RYR2: variants seen among roughly 807,000 people sequenced by gnomAD.
RYR2 encodes the protein ryanodine receptor 2.
In RYR2, 227 loss-of-function variants were observed where a neutral mutation model predicts 601.1. The observed-to-expected ratio is 0.38, with a 90% CI of 0.34 to 0.42. The LOEUF is 0.42. Ranked by LOEUF, RYR2 falls within the 10% of genes least tolerant of loss-of-function variation. The probability of loss-of-function intolerance (pLI) is 1.00; values close to 1 mark genes in which losing one functional copy is unlikely to be tolerated. For synonymous variants in RYR2, 2,223 were observed against 2,175.1 expected (o/e 1.02, Z -0.61); for missense variants, 4,646 against 6,156.5 (o/e 0.75, Z 8.21).
chr1:237,314,139 A>G (rs964270318), intron 2 of RYR2, among the ~76,000 whole-genome samples: 5 of 137,474 alleles, frequency 3.6e-5, no homozygotes, highest in Non-Finnish European at 7.5e-5. Context: ...ATCTCAGCTC[A>G]CTGCAAGCTC....
intron 12 of RYR2, among the ~76,000 whole-genome samples, chr1:237,437,427 C>A (rs1201612775): frequency 6.6e-6 from 1 of 152,080 alleles, no homozygotes; most frequent in African/African-American, 2.4e-5. Flanking sequence ...TTTGAATGCT[C>A]ATAATGGGAG....
intron 8 of RYR2, among the ~76,000 whole-genome samples, chr1:237,382,512 G>A: frequency 7.5e-6 from 1 of 134,078 alleles, no homozygotes; most frequent in Non-Finnish European, 1.6e-5. Flanking sequence ...ATCTCCTAAT[G>A]TTATCCCTCC....
At chr1:237,406,835 A>T (rs2149974490) in intron 10 of RYR2, among the ~76,000 whole-genome samples, 1 of 152,316 alleles carries the variant, frequency 6.6e-6, no homozygotes, top group Admixed American at 6.5e-5. Context: ...CTCTTGTTAT[A>T]AATGATAAAG....
rs1224572050 is a variant in RYR2, at chr1:237,566,558, A to G, written c.3215-9A>G. 1.2e-6 allele frequency: 2 copies of G among 1,611,304 alleles called. No homozygotes were observed. Among genetic ancestry groups the G allele is most frequent in the Admixed American group, 1.7e-5 (1 of 59,908 alleles). ...CAATGACCACCAGAAATCTCTGTCC[A>G]TTTCCCAGCAGCCAGAGCCGAAGTG... is the stretch of plus-strand genomic sequence containing the variant. On this transcript the variant is annotated splice_polypyrimidine_tract_variant and intron_variant, in intron 27 of 104. Coordinates refer to ENST00000366574, the MANE Select transcript of RYR2 (RefSeq NM_001035.3).
At position 237,784,286 on chromosome 1, in the gene RYR2, T is replaced by G. The variant is rs1558405994; in HGVS notation, c.12574T>G (p.Phe4192Val). Reference protein sequence around the residue: ...EKEKMELFVNFCEDTIFEMQL... With the variant: ...EKEKMELFVNVCEDTIFEMQL... ...AGAGAAGATGGAACTCTTTGTGAAC[T>G]TCTGCGAGGACACCATCTTTGAAAT... Residue 4192 changes from phenylalanine to valine, a missense_variant, in exon 90 of 105, where the codon TTC (phenylalanine) becomes GTC (valine). This residue lies in a region of RYR2 where 70 missense variants were observed against 164.6 expected (regional missense o/e 0.43). Transcript: ENST00000366574. This position sits in a 1 kb window ranked among gnomAD's most constrained non-coding sequence, Gnocchi z 7.1. The G allele has an allele frequency of 1.2e-6, 2 of 1,613,834 alleles. No homozygotes were observed. Among genetic ancestry groups the G allele is most frequent in the Non-Finnish European group, 8.5e-7 (1 of 1,179,876 alleles).
rs144345609 is a variant in RYR2, at chr1:237,089,039, A to G, written c.48+46470A>G. ...TGGACCTCTCATTCTTAGATTAAAAATAGCTCCAAATTCATGGAAAGGCAC... is the reference window on the plus strand; with the variant it reads ...TGGACCTCTCATTCTTAGATTAAAAGTAGCTCCAAATTCATGGAAAGGCAC... On this transcript the variant is annotated intron_variant, in intron 1 of 104. Transcript: ENST00000366574. 2.5e-3 allele frequency among the ~76,000 whole-genome samples: 385 copies of G among 152,356 alleles called. 2 individuals carry two copies. Among genetic ancestry groups the G allele is most frequent in the African/African-American group, 8.6e-3 (356 of 41,590 alleles).
At position 237,348,951 on chromosome 1, in the gene RYR2, G is replaced by A. The variant is rs186401268; in HGVS notation, c.274-7014G>A. 2.9e-3 allele frequency among the ~76,000 whole-genome samples: 449 copies of A among 152,222 alleles called. 1 individual carries two copies. Among genetic ancestry groups the A allele is most frequent in the African/African-American group, 0.01 (421 of 41,538 alleles). On this transcript the variant is annotated intron_variant, in intron 3 of 104. Transcript: ENST00000366574. ...TCATGAACTGAAAAATAGATTAGTT[G>A]AAAATATCCAGACTGGCCTATGTGG...
At chr1:237,551,436 C>T (rs1282906731) in intron 27 of RYR2, among the ~76,000 whole-genome samples, 1 of 145,988 alleles carries the variant, frequency 6.8e-6, no homozygotes, top group Non-Finnish European at 1.5e-5. Flanking sequence ...GAGGCTGAGG[C>T]AGGAGAATGG....
At chr1:237,279,931 G>C (rs976159235) in intron 2 of RYR2, among the ~76,000 whole-genome samples, 1 of 152,178 alleles carries the variant, frequency 6.6e-6, no homozygotes, top group Non-Finnish European at 1.5e-5. Flanking sequence ...CACATTCACA[G>C]TATGTATGAA....
intron 1 of RYR2, among the ~76,000 whole-genome samples, chr1:237,071,875 G>C (rs1343951432): frequency 6.6e-6 from 1 of 152,238 alleles, no homozygotes; most frequent in Non-Finnish European, 1.5e-5. Flanking sequence ...TTCAGAGGGG[G>C]ATGAGGCGGC....
At chr1:237,214,637 A>G (rs563390350) in intron 1 of RYR2, among the ~76,000 whole-genome samples, 1 of 152,320 alleles carries the variant, frequency 6.6e-6, no homozygotes, top group Admixed American at 6.5e-5. Context: ...ACATTTCAAC[A>G]TGAGCTTTGG....
chr1:237,117,671 C>CTCTTCT (rs149106840), intron 1 of RYR2, among the ~76,000 whole-genome samples: 4 of 64,532 alleles, frequency 6.2e-5, no homozygotes, highest in East Asian at 4.8e-4. Flanking sequence ...CTCTTCTCTT[C>CTCTTCT]CTTCTCTTCT....
chr1:237,540,008 G>GT (rs889984369), intron 25 of RYR2, among the ~76,000 whole-genome samples: 1 of 151,938 alleles, frequency 6.6e-6, no homozygotes, highest in Non-Finnish European at 1.5e-5. Flanking sequence ...ATTCGTTGTA[G>GT]TTTTTTTCTT....
chr1:237,519,714 T>C (rs1172323496), intron 24 of RYR2, among the ~76,000 whole-genome samples: 1 of 152,178 alleles, frequency 6.6e-6, no homozygotes, highest in African/African-American at 2.4e-5. Flanking sequence ...AGTCAGGTAA[T>C]ATGATGCCTC....
intron 34 of RYR2, among the ~76,000 whole-genome samples, chr1:237,595,902 C>T (rs1675844225): frequency 6.6e-6 from 1 of 152,128 alleles, no homozygotes; most frequent in South Asian, 2.1e-4. Context: ...CCACAAATGC[C>T]TGTAGCGAGA....
intron 1 of RYR2, among the ~76,000 whole-genome samples, chr1:237,225,750 A>G (rs1445179635): frequency 6.6e-6 from 1 of 152,196 alleles, no homozygotes. Flanking sequence ...GGACACCAGA[A>G]GAGTGTTAAA....
intron 17 of RYR2, among the ~76,000 whole-genome samples, chr1:237,477,028 A>G (rs1458080816): frequency 6.6e-6 from 1 of 152,198 alleles, no homozygotes; most frequent in Non-Finnish European, 1.5e-5. Flanking sequence ...CCAGAGGAAT[A>G]AAAGAGGAAG....
At chr1:237,047,183 G>C (rs1660696395) in intron 1 of RYR2, among the ~76,000 whole-genome samples, 1 of 152,184 alleles carries the variant, frequency 6.6e-6, no homozygotes, top group Admixed American at 6.5e-5. Flanking sequence ...AGGTTTACCA[G>C]CACATCATTC....
chr1:237,660,621 C>T (rs1413791234), intron 55 of RYR2, among the ~76,000 whole-genome samples, 189 bp from the exon 56 acceptor site: 1 of 152,148 alleles, frequency 6.6e-6, no homozygotes, highest in Non-Finnish European at 1.5e-5. Context: ...CTCTTACTAA[C>T]ATTAGTAAAA....
Sources: gnomAD v4.1 joint callset for allele counts (sites outside exome capture counted in the v4.1 genomes callset) on GRCh38, gnomAD v4.1.1 for gene constraint, gnomAD v4.1.1 regional missense constraint, Gnocchi (gnomAD v3.1) non-coding constraint, MANE v1.5 for transcripts, NCBI Gene and HGNC (gene_info 2026-07-23, HGNC 2026-07-21) for gene names.